FRMPD4: variants seen among roughly 807,000 people sequenced by gnomAD.
The protein encoded by FRMPD4 is FERM and PDZ domain-containing protein 4.
FRMPD4 carries 22 observed loss-of-function variants against 94.1 expected under a neutral mutation model. The ratio of observed to expected loss-of-function variants is 0.23; its 90% confidence interval spans 0.17 to 0.33. The LOEUF is 0.33. Among genes scored for constraint, FRMPD4 ranks in the 10% least tolerant of loss-of-function variants. FRMPD4 has a pLI of 1.00. For synonymous variants in FRMPD4, 631 were observed against 548.6 expected, an observed-to-expected ratio of 1.15 and a Z score of -2.10; for missense variants, 1,111 against 1,339.9, an observed-to-expected ratio of 0.83 and a Z score of 2.67.
chrX:11,992,987 G>GTT (rs58882086), intron 3 of FRMPD4, among the ~76,000 whole-genome samples: 6,881 of 89,208 alleles, frequency 0.077, 262 homozygotes, highest in East Asian at 0.24. Flanking sequence ...CTGGTCCTTT[G>GTT]TTTTTTTTTT....
chrX:12,568,551 A>G (rs1249111585), intron 2 of FRMPD4, among the ~76,000 whole-genome samples: 9 of 112,438 alleles, frequency 8.0e-5, no homozygotes, highest in African/African-American at 2.3e-4. Flanking sequence ...TGATTTTTAA[A>G]TGATAAACTT....
intron 1 of FRMPD4, among the ~76,000 whole-genome samples, chrX:12,457,882 A>G (rs1443853679): frequency 1.8e-5 from 2 of 112,127 alleles, no homozygotes; most frequent in East Asian, 5.6e-4. Context: ...GAGTTAAGAT[A>G]GCAAGCCTGA....
chrX:11,879,811 C>T (rs373813912), intron 3 of FRMPD4, among the ~76,000 whole-genome samples: 7 of 111,724 alleles, frequency 6.3e-5, no homozygotes, highest in African/African-American at 2.3e-4. Context: ...TATCATAGAG[C>T]CACAAGTGAC....
intron 3 of FRMPD4, among the ~76,000 whole-genome samples, chrX:11,917,947 CAGTT>C (rs1425867249): frequency 9.2e-6 from 1 of 109,128 alleles, no homozygotes; most frequent in Non-Finnish European, 1.9e-5. Context: ...GAAAATGTAA[CAGTT>C]AGATATGTGA....
intron 1 of FRMPD4, among the ~76,000 whole-genome samples, chrX:12,267,146 C>A (rs1480413470): frequency 1.8e-5 from 2 of 111,923 alleles, no homozygotes; most frequent in Non-Finnish European, 3.8e-5. Flanking sequence ...GCATCATCAT[C>A]AAGTCGGAAA....
intron 1 of FRMPD4, among the ~76,000 whole-genome samples, chrX:12,192,025 G>A (rs1487681509): frequency 9.0e-6 from 1 of 111,637 alleles, no homozygotes; most frequent in Admixed American, 9.4e-5. Flanking sequence ...TTGCTGTGAA[G>A]CTAACACTTC....
intron 3 of FRMPD4, among the ~76,000 whole-genome samples, chrX:12,084,931 C>A (rs956572255): frequency 1.8e-5 from 2 of 111,824 alleles, no homozygotes; most frequent in Admixed American, 9.5e-5. Flanking sequence ...GGGGAAAAGA[C>A]AGTTGTTTGG....
At chrX:11,935,189 G>A (rs1273687981) in intron 3 of FRMPD4, among the ~76,000 whole-genome samples, 1 of 53,395 alleles carries the variant, frequency 1.9e-5, no homozygotes, top group Non-Finnish European at 4.0e-5. Context: ...CATGCAAACA[G>A]CCATGAAACC....
chrX:12,384,792 T>C (rs2148028085), intron 1 of FRMPD4, among the ~76,000 whole-genome samples: 1 of 112,357 alleles, frequency 8.9e-6, no homozygotes, highest in East Asian at 2.8e-4. Context: ...TAAGTAGGTA[T>C]GTTTGCCAGA....
intron 3 of FRMPD4, among the ~76,000 whole-genome samples, chrX:12,103,493 A>G (rs1199170533): frequency 9.0e-6 from 1 of 111,444 alleles, no homozygotes; most frequent in Non-Finnish European, 1.9e-5. Flanking sequence ...CTTAGTGAGC[A>G]TAGGTTCTCT....
intron 2 of FRMPD4, among the ~76,000 whole-genome samples, chrX:12,521,892 G>A (rs1321919721): frequency 1.2e-5 from 1 of 84,352 alleles, no homozygotes; most frequent in Non-Finnish European, 2.3e-5. Flanking sequence ...AGGTTTGGTT[G>A]AATTTCTGAA....
chrX:11,973,211 C>CA (rs2054350050), intron 3 of FRMPD4, among the ~76,000 whole-genome samples: 8 of 112,611 alleles, frequency 7.1e-5, no homozygotes, highest in Admixed American at 5.6e-4. Flanking sequence ...TCTATTAATT[C>CA]AGACTTCCAT....
chrX:12,375,429 A>G (rs1395385292), intron 1 of FRMPD4, among the ~76,000 whole-genome samples: 1 of 112,120 alleles, frequency 8.9e-6, no homozygotes, highest in East Asian at 2.8e-4. Flanking sequence ...TGTTGGCAGA[A>G]TTCAGTTCCT....
chrX:12,380,100 G>T (rs2056298869), intron 1 of FRMPD4, among the ~76,000 whole-genome samples: 1 of 111,723 alleles, frequency 9.0e-6, no homozygotes, highest in Non-Finnish European at 1.9e-5. Flanking sequence ...GATTTTGTTT[G>T]ATGACACATT....
intron 1 of FRMPD4, among the ~76,000 whole-genome samples, chrX:11,826,477 A>G (rs1367413299): frequency 9.0e-6 from 1 of 111,654 alleles, no homozygotes; most frequent in East Asian, 2.8e-4. Context: ...CAATCATTAC[A>G]CCTCTTGATG....
chrX:11,955,168 C>G (rs1164181981), intron 3 of FRMPD4, among the ~76,000 whole-genome samples: 1 of 110,967 alleles, frequency 9.0e-6, no homozygotes, highest in African/African-American at 3.3e-5. Context: ...GAAGGCTAAT[C>G]CCATTCACGA....
chrX:12,311,304 A>G (rs1300324447), intron 1 of FRMPD4, among the ~76,000 whole-genome samples: 1 of 112,381 alleles, frequency 8.9e-6, no homozygotes, highest in Non-Finnish European at 1.9e-5. Flanking sequence ...ATCAAAATCT[A>G]AAGTTAATCA....
intron 3 of FRMPD4, among the ~76,000 whole-genome samples, chrX:12,106,722 C>A (rs1004098419): frequency 1.8e-5 from 2 of 111,895 alleles, no homozygotes; most frequent in African/African-American, 6.5e-5. Flanking sequence ...ACTTTTCCAA[C>A]GGTCTTAGCA....
intron 3 of FRMPD4, among the ~76,000 whole-genome samples, chrX:12,052,616 C>G (rs1258816049): frequency 8.9e-6 from 1 of 112,252 alleles, no homozygotes; most frequent in African/African-American, 3.2e-5. Flanking sequence ...CATTCCAAAG[C>G]AATCATTAAG....
Sources: gnomAD v4.1 joint callset for allele counts (sites outside exome capture counted in the v4.1 genomes callset) on GRCh38, gnomAD v4.1.1 for gene constraint, MANE v1.5 for transcripts, NCBI Gene and HGNC (gene_info 2026-07-23, HGNC 2026-07-21) for gene names.